The following XPR1 variants were observed in gnomAD, a reference collection of about 807,000 sequenced individuals.
XPR1 encodes the protein xenotropic and polytropic retrovirus receptor 1.
XPR1 carries 28 observed loss-of-function variants against 87.5 expected under a neutral mutation model. That is an observed-to-expected ratio of 0.32 (90% confidence interval 0.24 to 0.44). XPR1 has a LOEUF of 0.44. Among genes scored for constraint, XPR1 ranks in the 20% least tolerant of loss-of-function variants. XPR1 has a pLI of 1.00. For synonymous variants in XPR1, 300 were observed against 306.1 expected (o/e 0.98, Z 0.21); for missense variants, 559 against 862.3 (o/e 0.65, Z 4.41).
chr1:180,679,752 G>A (rs748002061), intron 1 of XPR1, among the ~76,000 whole-genome samples: 4 of 152,080 alleles, frequency 2.6e-5, no homozygotes, highest in Non-Finnish European at 5.9e-5. Flanking sequence ...AAAGTAAACC[G>A]ATACTGTCTT....
chr1:180,731,869 G>A (rs1658566880), intron 2 of XPR1, among the ~76,000 whole-genome samples: 1 of 152,146 alleles, frequency 6.6e-6, no homozygotes, highest in Non-Finnish European at 1.5e-5. Context: ...CAGATCTAGA[G>A]CTTTTACGGG....
rs74135840 is a variant in XPR1 at position 180,835,063 on chromosome 1, A to T, written c.1306+18A>T. ...TTCAGAAGGTAGGGTATGAATTTGC[A>T]TCTATACTACTAAATCGCTGGTGTA... On this transcript the variant is annotated intron_variant, in intron 10 of 14. Coordinates refer to ENST00000367590, the MANE Select transcript of XPR1 (RefSeq NM_004736.4). The T allele has an allele frequency of 4.8e-3, 7,754 of 1,612,262 alleles. 280 individuals are homozygous for T. In the African/African-American group the frequency reaches 0.084, roughly 17 times the overall value.
intron 1 of XPR1, among the ~76,000 whole-genome samples, chr1:180,656,355 TTATA>T (rs557305445): frequency 1.8e-5 from 2 of 111,302 alleles, no homozygotes; most frequent in African/African-American, 7.0e-5. Context: ...TATTTAATAT[TTATA>T]TATATAATAT....
chr1:180,689,743 G>C (rs1239982622), intron 2 of XPR1, among the ~76,000 whole-genome samples: 1 of 152,106 alleles, frequency 6.6e-6, no homozygotes, highest in African/African-American at 2.4e-5. Context: ...CATTGATTGC[G>C]ACAAATGTAC....
At chr1:180,642,956 A>G (rs1655004789) in intron 1 of XPR1, among the ~76,000 whole-genome samples, 2 of 152,280 alleles carry the variant, frequency 1.3e-5, no homozygotes, top group South Asian at 4.1e-4. Context: ...GACAAAGATG[A>G]GTGGAAGTAT....
At chr1:180,758,142 C>CACACACACAA (rs1008471362) in intron 2 of XPR1, among the ~76,000 whole-genome samples, 1 of 151,056 alleles carries the variant, frequency 6.6e-6, no homozygotes, top group South Asian at 2.1e-4. Flanking sequence ...CACACACACA[C>CACACACACAA]ACACATTATT....
chr1:180,709,691 A>G (rs542897908), intron 2 of XPR1, among the ~76,000 whole-genome samples: 33 of 152,258 alleles, frequency 2.2e-4, no homozygotes, highest in South Asian at 4.1e-4. Context: ...GGTATTGTCA[A>G]TCTATTTAAT....
intron 1 of XPR1, among the ~76,000 whole-genome samples, chr1:180,655,555 C>G (rs1655429063): frequency 6.6e-6 from 1 of 152,050 alleles, no homozygotes; most frequent in African/African-American, 2.4e-5. Flanking sequence ...CGTGCACCTT[C>G]ATACCTGGCT....
intron 10 of XPR1, among the ~76,000 whole-genome samples, chr1:180,836,280 C>G (rs572433369): frequency 6.6e-6 from 1 of 152,012 alleles, no homozygotes; most frequent in African/African-American, 2.4e-5. Flanking sequence ...ATCCCTGGAA[C>G]CGGGAGGCAG....
intron 2 of XPR1, among the ~76,000 whole-genome samples, chr1:180,742,791 T>G (rs1198706420): frequency 6.6e-6 from 1 of 152,080 alleles, no homozygotes; most frequent in Non-Finnish European, 1.5e-5. Context: ...TCTGTCAGTG[T>G]TTGATTCATA....
At chr1:180,845,758 A>G (rs1651658935) in intron 11 of XPR1, among the ~76,000 whole-genome samples, 1 of 1,332 alleles carries the variant, frequency 7.5e-4, no homozygotes, top group Non-Finnish European at 4.0e-3. Context: ...CAGTCTTCCA[A>G]AGCTGACCTG....
chr1:180,750,948 A>G (rs979859330), intron 2 of XPR1, among the ~76,000 whole-genome samples: 4 of 152,002 alleles, frequency 2.6e-5, no homozygotes, highest in Admixed American at 2.6e-4. Flanking sequence ...TTTTCCATGT[A>G]GTTTTAGTTT....
At chr1:180,654,158 A>G (rs1194764002) in intron 1 of XPR1, among the ~76,000 whole-genome samples, 10 of 152,040 alleles carry the variant, frequency 6.6e-5, no homozygotes, top group Admixed American at 4.6e-4. Flanking sequence ...AATGTTAACT[A>G]TTATTAGTTT....
At position 180,886,100 on chromosome 1, in the gene XPR1, T is replaced by A. The variant is rs1652999851; in HGVS notation, c.*2034T>A. The stretch of plus-strand genomic sequence containing the variant: ...AAATGTTTAATTAATGCTTTTTAGT[T>A]TAAATAAATTGAATCATTTATAATA... On this transcript the variant is annotated 3_prime_UTR_variant, in exon 15 of 15. Coordinates refer to ENST00000367590, the MANE Select transcript of XPR1 (RefSeq NM_004736.4). 6.6e-6 allele frequency: 1 copy of A among 152,236 alleles called. No individual in the cohort carries two copies. The highest frequency in any genetic ancestry group is 6.5e-5 in the Admixed American group (1 of 15,280). The allele number at this position is 152,236 out of a possible 1,614,324, so 9.4% of individuals were successfully genotyped here. A position where few individuals can be genotyped will look rare whatever the true frequency, so the allele number is the denominator to read the frequency against.
At chr1:180,679,895 T>A (rs1178877133) in intron 1 of XPR1, among the ~76,000 whole-genome samples, 1 of 152,052 alleles carries the variant, frequency 6.6e-6, no homozygotes, top group African/African-American at 2.4e-5. Flanking sequence ...TAAATGGGTT[T>A]ATGTCAAACT....
rs557081968 is a variant in XPR1 at position 180,791,992 on chromosome 1, C to A, written c.223+4138C>A. Among the ~76,000 whole-genome samples, 6 of 152,300 alleles carry A rather than the reference C, an allele frequency of 3.9e-5. No individual in the cohort carries two copies. The East Asian group carries it at 1.2e-3, about 29-fold the overall frequency. ...ACGTCTCTTGATGTCCTCACTGGTA[C>A]AAATTGGTAGTCTCTAGAGTGACTC... On this transcript the variant is annotated intron_variant, in intron 3 of 14. Coordinates refer to ENST00000367590, the MANE Select transcript of XPR1 (RefSeq NM_004736.4).
chr1:180,773,253 A>G (rs988361656), intron 2 of XPR1, among the ~76,000 whole-genome samples: 3 of 152,188 alleles, frequency 2.0e-5, no homozygotes, highest in African/African-American at 4.8e-5. Flanking sequence ...GGGAAAAAAA[A>G]TGTTCAGACG....
chr1:180,703,656 T>C (rs10914074), intron 2 of XPR1, among the ~76,000 whole-genome samples: 49,019 of 151,978 alleles, frequency 0.32, 8,560 homozygotes, highest in Non-Finnish European at 0.39. Context: ...CTAATTGTTT[T>C]ATGTGTATTT....
At chr1:180,762,731 G>A (rs1307502396) in intron 2 of XPR1, among the ~76,000 whole-genome samples, 9 of 152,118 alleles carry the variant, frequency 5.9e-5, no homozygotes, top group Non-Finnish European at 1.0e-4. Context: ...ATTACTGTTT[G>A]GTGTTATTGC....
Sources: gnomAD v4.1 joint callset for allele counts (sites outside exome capture counted in the v4.1 genomes callset) on GRCh38, gnomAD v4.1.1 for gene constraint, MANE v1.5 for transcripts, NCBI Gene and HGNC (gene_info 2026-07-23, HGNC 2026-07-21) for gene names.